Variants in SQOR observed in about 807,000 individuals in gnomAD.
The protein encoded by SQOR is sulfide:quinone oxidoreductase, mitochondrial.
SQOR carries 39 observed loss-of-function variants against 48.6 expected under a neutral mutation model. That is an observed-to-expected ratio of 0.80 (90% CI 0.62 to 1.05). SQOR has a LOEUF of 1.05. SQOR is among the 50% of genes least tolerant of loss of function. The probability of loss-of-function intolerance (pLI) is 0.00; values close to 1 mark genes in which losing one functional copy is unlikely to be tolerated. For missense variants in SQOR, 561 were observed against 559.9 expected (o/e 1.00, Z -0.02); for synonymous variants, 220 against 206.2 (o/e 1.07, Z -0.57).
intron 1 of SQOR, among the ~76,000 whole-genome samples, chr15:45,642,054 G>T (rs1215734499): frequency 6.6e-6 from 1 of 152,122 alleles, no homozygotes; most frequent in Admixed American, 6.5e-5. Context: ...ACCCATCACT[G>T]GCTGTGCAGT....
At chr15:45,651,355 G>A (rs1006312265) in intron 1 of SQOR, among the ~76,000 whole-genome samples, 16 of 152,020 alleles carry the variant, frequency 1.1e-4, no homozygotes, top group East Asian at 1.9e-4. Flanking sequence ...CGCGAGCGTC[G>A]CTGGCAGCCC....
upstream of SQOR, among the ~76,000 whole-genome samples, chr15:45,633,693 C>CAAA (rs397854330): frequency 4.0e-4 from 31 of 77,168 alleles, no homozygotes; most frequent in Non-Finnish European, 5.1e-4. Flanking sequence ...GACTTCGCCT[C>CAAA]AAAAAAAAAA....
intron 1 of SQOR, among the ~76,000 whole-genome samples, chr15:45,656,173 G>T (rs979091522): frequency 6.6e-6 from 1 of 152,132 alleles, no homozygotes; most frequent in Non-Finnish European, 1.5e-5. Context: ...TCACTTAACT[G>T]CTATCTGCCT....
chr15:45,651,907 A>G (rs1229352031), intron 1 of SQOR, among the ~76,000 whole-genome samples: 2 of 151,304 alleles, frequency 1.3e-5, no homozygotes, highest in African/African-American at 4.9e-5. Flanking sequence ...CTTTTTTTTA[A>G]AAACAGACTC....
rs1160089352 is a variant in SQOR, at chr15:45,662,069, A to G, written c.349A>G (p.Arg117Gly). The change falls in exon 3 of 10, where the codon AGA becomes GGA. Residue 117 changes from arginine to glycine, a missense_variant. Arg to Gly is a moderately radical substitution (Grantham distance 125). Transcript: ENST00000260324. ...ATCTGGTGTAGAATGGATCAAAGCT[A>G]GAGTGACTGAGTTGAACCCAGACAA... ...IPSGVEWIKA[R>G]VTELNPDKNC... 17 of 1,614,110 alleles carry G rather than the reference A, an allele frequency of 1.1e-5. No homozygotes were observed. Among genetic ancestry groups the G allele is most frequent in the Non-Finnish European group, 1.4e-5 (17 of 1,180,044 alleles).
At chr15:45,686,206 C>G (rs1307463959) in intron 7 of SQOR, among the ~76,000 whole-genome samples, 2 of 151,990 alleles carry the variant, frequency 1.3e-5, no homozygotes, top group African/African-American at 2.4e-5. Flanking sequence ...GGCTGGAGTG[C>G]AGTGGCACGA....
intron 1 of SQOR, among the ~76,000 whole-genome samples, chr15:45,654,107 G>A (rs2140944648): frequency 7.9e-6 from 1 of 127,046 alleles, no homozygotes; most frequent in Admixed American, 8.7e-5. Context: ...GGGTGACAGA[G>A]TGAGACTCAA....
chr15:45,669,242 T>C (rs1889895183), intron 3 of SQOR, among the ~76,000 whole-genome samples: 1 of 151,990 alleles, frequency 6.6e-6, no homozygotes, highest in East Asian at 1.9e-4. Flanking sequence ...TGATCTCTGC[T>C]CACTGCAACC....
intron 1 of SQOR, among the ~76,000 whole-genome samples, chr15:45,652,423 C>G (rs1889510216): frequency 6.6e-6 from 1 of 152,144 alleles, no homozygotes; most frequent in African/African-American, 2.4e-5. Flanking sequence ...CCACCACCAC[C>G]TCCCAGGTTG....
intron 3 of SQOR, among the ~76,000 whole-genome samples, chr15:45,665,866 G>A (rs572951136): frequency 6.6e-6 from 1 of 152,298 alleles, no homozygotes; most frequent in African/African-American, 2.4e-5. Flanking sequence ...TTACAGGTGT[G>A]AGCCACCGTG....
upstream of SQOR, among the ~76,000 whole-genome samples, chr15:45,634,228 A>ATAT (rs1894955246): frequency 7.4e-6 from 1 of 134,266 alleles, no homozygotes; most frequent in Non-Finnish European, 1.6e-5. Context: ...ATATATATTC[A>ATAT]AAATTCATAA....
In SQOR at chr15:45,645,279, A is replaced by G. The variant is rs552442076; in HGVS notation, c.-18+10171A>G. 2.6e-5 allele frequency among the ~76,000 whole-genome samples: 4 copies of G among 152,328 alleles called. No individual in the cohort carries two copies. In the South Asian group the frequency reaches 8.3e-4, roughly 32 times the overall value. On this transcript the variant is annotated intron_variant, in intron 1 of 9. Coordinates refer to ENST00000260324, the MANE Select transcript of SQOR (RefSeq NM_021199.4). The stretch of plus-strand genomic sequence containing the variant: ...CAACCAAAGTCATGCTAATCAGGTG[A>G]CAGTAACAATTTCCTTTTTAAGGTA...
At chr15:45,645,412 G>T (rs963135924) in intron 1 of SQOR, among the ~76,000 whole-genome samples, 2 of 152,144 alleles carry the variant, frequency 1.3e-5, no homozygotes, top group African/African-American at 4.8e-5. Context: ...TTGGTCAAAC[G>T]GTATTCTGGG....
intron 1 of SQOR, among the ~76,000 whole-genome samples, chr15:45,642,974 G>C (rs552722445): frequency 1.6e-4 from 24 of 152,270 alleles, no homozygotes; most frequent in African/African-American, 5.3e-4. Flanking sequence ...ATGTGAAACT[G>C]GTTTTGTTTC....
At chr15:45,684,502 T>G (rs935069211) in intron 7 of SQOR, among the ~76,000 whole-genome samples, 3 of 152,228 alleles carry the variant, frequency 2.0e-5, no homozygotes, top group Non-Finnish European at 2.9e-5. Flanking sequence ...CCTGAGTCTG[T>G]GTACCTCCCT....
Position 45,691,147 on chromosome 15 carries a change from G to A in SQOR, c.*117G>A. The A allele has an allele frequency of 2.2e-6, 2 of 891,932 alleles. No homozygotes were observed. Among genetic ancestry groups the A allele is most frequent in the Non-Finnish European group, 3.8e-6 (2 of 533,076 alleles). 55.3% of individuals were successfully genotyped at this position (891,932 alleles called of 1,614,324 possible). A position where few individuals can be genotyped will look rare whatever the true frequency, so the allele number is the denominator to read the frequency against. Reference sequence around the variant, plus strand: ...ATCCTTGTAAAGAGTTCCTTGATGGGTAATGGTGACCAAATGCCTCCCTTT... The same window carrying A: ...ATCCTTGTAAAGAGTTCCTTGATGGATAATGGTGACCAAATGCCTCCCTTT... On this transcript the variant is annotated 3_prime_UTR_variant, in exon 10 of 10. Transcript: ENST00000260324.
intron 5 of SQOR, 33 bp from the exon 6 acceptor site, chr15:45,676,068 C>G: frequency 1.9e-6 from 3 of 1,565,918 alleles, no homozygotes; most frequent in Non-Finnish European, 2.6e-6. Flanking sequence ...TGCAGTCATG[C>G]TTTGGTGTGA....
At chr15:45,638,952 A>C (rs1049690461) in intron 1 of SQOR, among the ~76,000 whole-genome samples, 1 of 152,152 alleles carries the variant, frequency 6.6e-6, no homozygotes, top group African/African-American at 2.4e-5. Flanking sequence ...TTGGACTTTC[A>C]ATCTCCAGAA....
chr15:45,644,818 G>C (rs949176311), intron 1 of SQOR, among the ~76,000 whole-genome samples: 22 of 152,194 alleles, frequency 1.4e-4, no homozygotes, highest in African/African-American at 5.1e-4. Flanking sequence ...CTGATGCCTG[G>C]CCCTGGAATA....
Sources: allele counts gnomAD v4.1 joint callset (sites outside exome capture counted in the v4.1 genomes callset), GRCh38; gene constraint gnomAD v4.1.1; transcripts MANE v1.5; gene names NCBI Gene and HGNC (gene_info 2026-07-23, HGNC 2026-07-21).